The following STARD13 variants were observed in gnomAD, a reference collection of about 807,000 sequenced individuals.
STARD13 encodes StAR related lipid transfer domain containing 13.
A neutral mutation model predicts 106.4 loss-of-function variants in STARD13; 62 were observed. That is an observed-to-expected ratio of 0.58 (90% CI 0.48 to 0.72). The LOEUF is 0.72. Ranked by LOEUF, STARD13 falls within the 30% of genes least tolerant of loss-of-function variation. STARD13 has a pLI of 0.00. For missense variants in STARD13, 1,387 were observed against 1,424.0 expected (o/e 0.97, Z 0.42); for synonymous variants, 565 against 553.0 (o/e 1.02, Z -0.31).
chr13:33,327,994 T>C (rs1054009448), intron 1 of STARD13, among the ~76,000 whole-genome samples: 4 of 152,258 alleles, frequency 2.6e-5, no homozygotes, highest in African/African-American at 9.6e-5. Flanking sequence ...ATCATTTGAA[T>C]GTAAATATTT....
At chr13:33,478,220 C>T in the STARD13 span, among the ~76,000 whole-genome samples, 1 of 152,316 alleles carries the variant, frequency 6.6e-6, no homozygotes, top group African/African-American at 2.4e-5. Flanking sequence ...CCTGGCAATG[C>T]TTGTTGTCTC....
intron 1 of STARD13, chr13:33,186,044 G>A (rs758286911): frequency 1.9e-6 from 3 of 1,613,720 alleles, no homozygotes; most frequent in African/African-American, 2.7e-5. Flanking sequence ...GAAATTCAGA[G>A]CAAGGAGCAG....
At position 33,285,560 on chromosome 13, in the gene STARD13, A is replaced by G. The variant is rs780686865; in HGVS notation, c.79T>C (p.Tyr27His). 1 of 1,613,870 alleles carries G rather than the reference A, an allele frequency of 6.2e-7. No individual in the cohort carries two copies. Among genetic ancestry groups the G allele is most frequent in the African/African-American group, 1.3e-5 (1 of 74,888 alleles). Reference sequence around the variant, plus strand: ...CTTGTAGTCTGATCAAATCGCAAGTACATCTCCTGGCCCTCAGGTGTCATG... The same window carrying G: ...CTTGTAGTCTGATCAAATCGCAAGTGCATCTCCTGGCCCTCAGGTGTCATG... ...NSMTPEGQEMYLRFDQTTRRS... is the reference protein window; with the variant it reads ...NSMTPEGQEMHLRFDQTTRRS... The change falls in exon 1 of 14, where the codon TAC becomes CAC. Residue 27 changes from tyrosine (Y) to histidine (H), a missense_variant. Physicochemically the swap from Tyr to His is moderately conservative, Grantham distance 83. Transcript: ENST00000336934.
chr13:33,305,053 C>A (rs2138477706), intron 1 of STARD13, among the ~76,000 whole-genome samples: 2 of 152,180 alleles, frequency 1.3e-5, no homozygotes, highest in South Asian at 4.1e-4. Flanking sequence ...AGATATTAGC[C>A]CCAAGCTTTT....
At chr13:33,350,569 G>A in exon 1 of STARD13, 1 of 1,394,132 alleles carries the variant, frequency 7.2e-7, no homozygotes. Context: ...CCGGCGCTGG[G>A]AGGCTGCGCC....
chr13:33,320,451 G>T (rs1005957708), intron 1 of STARD13, among the ~76,000 whole-genome samples: 1 of 152,154 alleles, frequency 6.6e-6, no homozygotes, highest in Non-Finnish European at 1.5e-5. Flanking sequence ...GATAGGATTA[G>T]CTATGTAGTA....
At chr13:33,499,604 TTTCTTCTTCTTCTTCTTCTTC>T in the STARD13 span, among the ~76,000 whole-genome samples, 4 of 39,904 alleles carry the variant, frequency 1.0e-4, no homozygotes, top group African/African-American at 3.7e-4. Flanking sequence ...CTTCTTCTTC[TTTCTTCTTCTTCTTCTTCTTC>T]TTCTTCTTCT....
At chr13:33,202,836 A>T (rs1887139519) in intron 1 of STARD13, among the ~76,000 whole-genome samples, 2 of 152,160 alleles carry the variant, frequency 1.3e-5, no homozygotes, top group Admixed American at 1.3e-4. Flanking sequence ...GGCAGGAGGG[A>T]CACGGGTGGC....
chr13:33,287,542 T>C (rs545306255), upstream of STARD13, among the ~76,000 whole-genome samples: 3 of 152,292 alleles, frequency 2.0e-5, no homozygotes, highest in African/African-American at 4.8e-5. Context: ...TTCTGTTCCA[T>C]AGCATCGTCT....
intron 1 of STARD13, among the ~76,000 whole-genome samples, chr13:33,187,642 A>G (rs1172888592): frequency 6.6e-6 from 1 of 152,114 alleles, no homozygotes; most frequent in Non-Finnish European, 1.5e-5. Context: ...ATGGTAAAAA[A>G]AAAATTAAAT....
At chr13:33,229,150 A>G (rs1187216337) in intron 1 of STARD13, among the ~76,000 whole-genome samples, 1 of 152,220 alleles carries the variant, frequency 6.6e-6, no homozygotes, top group Non-Finnish European at 1.5e-5. Context: ...TGCATACTCA[A>G]TCTAAAAGGC....
At chr13:33,552,398 T>C in the STARD13 span, among the ~76,000 whole-genome samples, 2 of 152,062 alleles carry the variant, frequency 1.3e-5, no homozygotes, top group Admixed American at 6.6e-5. Context: ...ATAAAACACA[T>C]CTGAATAGAT....
chr13:33,621,420 G>A, the STARD13 span, among the ~76,000 whole-genome samples: 1 of 152,076 alleles, frequency 6.6e-6, no homozygotes, highest in African/African-American at 2.4e-5. Flanking sequence ...GCTTACGCCT[G>A]TAATCCCAGC....
the STARD13 span, among the ~76,000 whole-genome samples, chr13:33,624,382 G>A: frequency 8.6e-3 from 1,317 of 152,358 alleles, 9 homozygotes; most frequent in Non-Finnish European, 0.013. Context: ...CCCCGCTGCG[G>A]GCAGAGTGAG....
intron 1 of STARD13, among the ~76,000 whole-genome samples, chr13:33,198,374 A>T (rs797195): frequency 7.9e-5 from 12 of 151,770 alleles, no homozygotes; most frequent in Non-Finnish European, 1.2e-4. Flanking sequence ...CTCACCCAGC[A>T]TCAGAGCCTT....
the STARD13 span, chr13:33,511,556 G>A: frequency 1.6e-4 from 24 of 152,074 alleles, no homozygotes; most frequent in Admixed American, 7.9e-4. Flanking sequence ...TCCTACTTAC[G>A]TTTAAAAATT....
At chr13:33,206,882 TTC>T (rs1290121912) in intron 1 of STARD13, among the ~76,000 whole-genome samples, 1 of 152,220 alleles carries the variant, frequency 6.6e-6, no homozygotes, top group Non-Finnish European at 1.5e-5. Flanking sequence ...TGTACTAGGA[TTC>T]ACAGTCACAG....
chr13:33,271,807 G>T (rs891777702), intron 1 of STARD13, among the ~76,000 whole-genome samples: 1 of 151,344 alleles, frequency 6.6e-6, no homozygotes, highest in Non-Finnish European at 1.5e-5. Context: ...CTATAATGAT[G>T]GGAAAAAAAA....
At chr13:33,658,969 C>G in the STARD13 span, among the ~76,000 whole-genome samples, 1 of 152,090 alleles carries the variant, frequency 6.6e-6, no homozygotes, top group South Asian at 2.1e-4. Context: ...CTCCTGATAG[C>G]TGAACATGTG....
Sources: allele counts gnomAD v4.1 joint callset (sites outside exome capture counted in the v4.1 genomes callset), GRCh38; gene constraint gnomAD v4.1.1; transcripts MANE v1.5; gene names NCBI Gene and HGNC (gene_info 2026-07-23, HGNC 2026-07-21).